Variants in SORCS3 observed in about 807,000 individuals in gnomAD.
SORCS3 encodes the protein VPS10 domain-containing receptor SorCS3.
Under a neutral mutation model 146.3 loss-of-function variants are expected in SORCS3, and 57 were observed. The ratio of observed to expected loss-of-function variants is 0.39; its 90% CI spans 0.31 to 0.49. The LOEUF (loss-of-function observed/expected upper bound fraction) is 0.49. SORCS3 is among the 20% of genes least tolerant of loss of function. The probability of loss-of-function intolerance (pLI) is 0.92; values close to 1 mark genes in which losing one functional copy is unlikely to be tolerated. For missense variants in SORCS3, 1,341 were observed against 1,575.5 expected (o/e 0.85, Z 2.52); for synonymous variants, 653 against 618.5 (o/e 1.06, Z -0.83).
intron 9 of SORCS3, among the ~76,000 whole-genome samples, chr10:105,153,102 C>A (rs187498488): frequency 7.9e-5 from 12 of 152,230 alleles, no homozygotes. Context: ...TCCCTTATTG[C>A]CCTTTTGTAG....
chr10:104,893,704 C>T (rs867508283), intron 2 of SORCS3, among the ~76,000 whole-genome samples: 4 of 152,166 alleles, frequency 2.6e-5, no homozygotes, highest in East Asian at 1.9e-4. Flanking sequence ...GATGCCTTGC[C>T]GTATCTGCTC....
intron 1 of SORCS3, among the ~76,000 whole-genome samples, chr10:104,732,706 C>T (rs947850747): frequency 5.9e-5 from 9 of 152,176 alleles, no homozygotes; most frequent in African/African-American, 1.9e-4. Flanking sequence ...AGAGCTATCT[C>T]TCCACTTCGC....
intron 5 of SORCS3, among the ~76,000 whole-genome samples, chr10:105,074,213 G>A (rs790742): frequency 0.69 from 104,848 of 152,116 alleles, 36,352 homozygotes; most frequent in East Asian, 0.84. Flanking sequence ...TGCATCACCA[G>A]ATGTGCTGTG....
In SORCS3 at chr10:104,744,953, GC is replaced by G. The variant is rs1328707454; in HGVS notation, c.628-97838del. ...TGCAATTGATATATGCATAAGACAT[GC>G]ACATTAATTCCAAATGTGTTTATCG... On this transcript the variant is annotated intron_variant, in intron 1 of 26. Transcript: ENST00000369701. 2.0e-5 allele frequency among the ~76,000 whole-genome samples: 3 copies of G among 152,200 alleles called. No homozygotes were observed. The East Asian group carries it at 5.8e-4, about 29-fold the overall frequency.
intron 2 of SORCS3, among the ~76,000 whole-genome samples, chr10:104,906,347 T>A (rs2018905014): frequency 6.6e-6 from 1 of 152,176 alleles, no homozygotes; most frequent in Admixed American, 6.5e-5. Flanking sequence ...CTCCCATGTG[T>A]CTTTTGGTAG....
At chr10:105,159,214 A>G (rs1402496721) in intron 11 of SORCS3, among the ~76,000 whole-genome samples, 1 of 152,210 alleles carries the variant, frequency 6.6e-6, no homozygotes, top group African/African-American at 2.4e-5. Context: ...CCCCAGACAC[A>G]GAGCAGTCCC....
At chr10:105,044,757 A>G (rs944843279) in intron 5 of SORCS3, among the ~76,000 whole-genome samples, 12 of 151,892 alleles carry the variant, frequency 7.9e-5, no homozygotes, top group African/African-American at 2.9e-4. Context: ...TGTGAGAGAA[A>G]AGGGAGTTGG....
intron 2 of SORCS3, among the ~76,000 whole-genome samples, chr10:104,865,312 G>T (rs2018447579): frequency 6.6e-6 from 1 of 152,160 alleles, no homozygotes; most frequent in Non-Finnish European, 1.5e-5. Context: ...GGGCAGATAG[G>T]AGGACTCGAG....
At chr10:105,067,529 A>G (rs2055530315) in intron 5 of SORCS3, among the ~76,000 whole-genome samples, 1 of 152,248 alleles carries the variant, frequency 6.6e-6, no homozygotes, top group African/African-American at 2.4e-5. Flanking sequence ...TCCGTCTCAA[A>G]TAAATAATAA....
intron 1 of SORCS3, among the ~76,000 whole-genome samples, chr10:104,654,880 G>A (rs2015606836): frequency 6.6e-6 from 1 of 152,132 alleles, no homozygotes; most frequent in African/African-American, 2.4e-5. Context: ...AGTATAAGGT[G>A]GGGGATTAAA....
intron 1 of SORCS3, among the ~76,000 whole-genome samples, chr10:104,670,584 C>CT (rs1214304756): frequency 6.6e-6 from 1 of 152,064 alleles, no homozygotes; most frequent in Non-Finnish European, 1.5e-5. Context: ...ATTACTGTAG[C>CT]TTTGTAGTAA....
At chr10:105,205,806 T>C (rs1015057845) in intron 16 of SORCS3, among the ~76,000 whole-genome samples, 6 of 152,232 alleles carry the variant, frequency 3.9e-5, no homozygotes, top group Non-Finnish European at 7.3e-5. Context: ...ATCTTCTCAA[T>C]GGACTCCCAG....
chr10:105,039,659 G>T (rs368853116), intron 4 of SORCS3, among the ~76,000 whole-genome samples: 4 of 151,912 alleles, frequency 2.6e-5, no homozygotes, highest in Admixed American at 2.6e-4. Flanking sequence ...GTTTCACCAC[G>T]TTGGCCAGGA....
intron 1 of SORCS3, among the ~76,000 whole-genome samples, chr10:104,652,410 C>T (rs1352972456): frequency 2.6e-5 from 4 of 152,136 alleles, no homozygotes; most frequent in Non-Finnish European, 5.9e-5. Context: ...ATCCTGTTTA[C>T]TCCCTTTATG....
intron 8 of SORCS3, among the ~76,000 whole-genome samples, chr10:105,146,589 C>T (rs965950906): frequency 6.6e-6 from 1 of 151,970 alleles, no homozygotes; most frequent in African/African-American, 2.4e-5. Context: ...TTCATATTTA[C>T]TTCATGAGTC....
At chr10:104,771,945 A>G (rs10884043) in intron 1 of SORCS3, among the ~76,000 whole-genome samples, 35,427 of 151,898 alleles carry the variant, frequency 0.23, 5,128 homozygotes, top group East Asian at 0.62. Context: ...TCTTTTTCCA[A>G]TTGGCCTCCT....
At chr10:104,712,326 C>T (rs1452391653) in intron 1 of SORCS3, among the ~76,000 whole-genome samples, 2 of 152,198 alleles carry the variant, frequency 1.3e-5, no homozygotes, top group Non-Finnish European at 2.9e-5. Context: ...CCCCTTTCTG[C>T]CACGCAGCCT....
intron 4 of SORCS3, among the ~76,000 whole-genome samples, chr10:104,985,288 C>A (rs2054955755): frequency 6.6e-6 from 1 of 152,162 alleles, no homozygotes; most frequent in Non-Finnish European, 1.5e-5. Flanking sequence ...TCTCAAGAAA[C>A]CACTTTCTTG....
intron 1 of SORCS3, among the ~76,000 whole-genome samples, chr10:104,735,058 G>A (rs1053114182): frequency 6.6e-6 from 1 of 152,080 alleles, no homozygotes; most frequent in African/African-American, 2.4e-5. Context: ...TATTTCCCCA[G>A]AACAGAATGG....
Sources: allele counts gnomAD v4.1 joint callset (sites outside exome capture counted in the v4.1 genomes callset), GRCh38; gene constraint gnomAD v4.1.1; transcripts MANE v1.5; gene names NCBI Gene and HGNC (gene_info 2026-07-23, HGNC 2026-07-21).